LOXL1: variants seen among roughly 807,000 people sequenced by gnomAD.
The protein encoded by LOXL1 is lysyl oxidase like 1, also known as lysyl oxidase homolog 1.
Under a neutral mutation model 62.2 loss-of-function variants are expected in LOXL1, and 31 were observed. That is an observed-to-expected ratio of 0.50 (90% CI 0.37 to 0.67). The LOEUF (loss-of-function observed/expected upper bound fraction) is 0.67, where lower values mean the gene tolerates loss of function less well. Among genes scored for constraint, LOXL1 ranks in the 30% least tolerant of loss-of-function variants. LOXL1 has a pLI of 0.00. For missense variants in LOXL1, 775 were observed against 843.4 expected, an observed-to-expected ratio of 0.92 and a Z score of 1.00; for synonymous variants, 403 against 384.4, an observed-to-expected ratio of 1.05 and a Z score of -0.56.
Position 73,927,578 on chromosome 15 carries a change from G to GC in LOXL1, c.801dup (p.Asp268ArgfsTer25). 3 of 1,500,494 alleles carry GC rather than the reference G, an allele frequency of 2.0e-6. No individual in the cohort carries two copies. The highest frequency in any genetic ancestry group is 4.3e-5 in the Admixed American group (2 of 46,780). 92.9% of individuals were successfully genotyped at this position (1,500,494 alleles called of 1,614,324 possible). Reference sequence around the variant, plus strand: ...GGCCCTACGTGCCGCCGCCGCCGCCGCCCCCCGACGGCCTGGACCGCCGCT... The same window carrying GC: ...GGCCCTACGTGCCGCCGCCGCCGCCGCCCCCCCGACGGCCTGGACCGCCGCT... On this transcript the variant is annotated frameshift_variant, in exon 1 of 7. Coordinates refer to ENST00000261921, the MANE Select transcript of LOXL1 (RefSeq NM_005576.4). LOFTEE classifies it high-confidence loss of function.
At position 73,946,452 on chromosome 15, in the gene LOXL1, T is replaced by C; in HGVS notation, c.1247T>C (p.Val416Ala). 6.2e-7 allele frequency: 1 copy of C among 1,613,014 alleles called. No homozygotes were observed. Reference sequence around the variant, plus strand: ...GCCCCTGAGGCCACCGACTACGATGTGCGGGTGCTACTGCGCTTCCCCCAG... The same window carrying C: ...GCCCCTGAGGCCACCGACTACGATGCGCGGGTGCTACTGCGCTTCCCCCAG... ...AYAPEATDYD[V>A]RVLLRFPQRV... is the part of the protein sequence containing the mutation. The change falls in exon 3 of 7, where the codon GTG (valine) becomes GCG (alanine). Residue 416 changes from valine to alanine, a missense_variant. Coordinates refer to ENST00000261921, the MANE Select transcript of LOXL1 (RefSeq NM_005576.4).
Position 73,951,953 on chromosome 15 carries a change from C to T in LOXL1, c.*116C>T. ...CCACAGGCACGGAGGGGCATCCCTC[C>T]CTGCCGGCCTCAGGGAGCGAACGTG... On this transcript the variant is annotated 3_prime_UTR_variant, in exon 7 of 7. Transcript: ENST00000261921. 1 of 923,020 alleles carries T rather than the reference C, an allele frequency of 1.1e-6. No homozygotes were observed. Among genetic ancestry groups the T allele is most frequent in the Non-Finnish European group, 1.5e-6 (1 of 681,098 alleles). The allele number at this position is 923,020 out of a possible 1,614,324, so 57.2% of individuals were successfully genotyped here.
intron 1 of LOXL1, 62 bp downstream of exon 1, chr15:73,927,947 G>A (rs117492789): frequency 3.2e-6 from 4 of 1,259,614 alleles, no homozygotes; most frequent in Non-Finnish European, 1.0e-6. Context: ...AACTGCTCCG[G>A]GCCCCCCGGG....
At position 73,949,445 on chromosome 15, in the gene LOXL1, C is replaced by T; in HGVS notation, c.1603-14C>T. 6.6e-7 allele frequency: 1 copy of T among 1,525,130 alleles called. No homozygotes were observed. Among genetic ancestry groups the T allele is most frequent in the Non-Finnish European group, 9.1e-7 (1 of 1,098,830 alleles). 94.5% of individuals were successfully genotyped at this position (1,525,130 alleles called of 1,614,324 possible). ...GACTAGACTCCCTTTCTCCCTGTTT[C>T]TCTTCTTCCTCAGGTGCACGTGAAC... On this transcript the variant is annotated splice_polypyrimidine_tract_variant and intron_variant, in intron 5 of 6. Transcript: ENST00000261921.
At chr15:73,942,814 T>C (rs755904431) in intron 1 of LOXL1, 40 bp from the exon 2 acceptor site, 2 of 1,266,098 alleles carry the variant, frequency 1.6e-6, no homozygotes, top group Non-Finnish European at 2.3e-6. Context: ...AATGTCATGC[T>C]CTTCCTCCCT....
In LOXL1 at chr15:73,946,474, C is replaced by A. The variant is rs966349644; in HGVS notation, c.1269C>A (p.Pro423=). The A allele has an allele frequency of 1.9e-6, 3 of 1,612,854 alleles. No homozygotes were observed. The African/African-American group carries it at 4.0e-5, about 22-fold the overall frequency. Residue 423 remains proline, a synonymous_variant, in exon 3 of 7, where the codon CCC becomes CCA. Transcript: ENST00000261921. ...DYDVRVLLRF[P]QRVKNQGTAD... The stretch of plus-strand genomic sequence containing the variant: ...ATGTGCGGGTGCTACTGCGCTTCCC[C>A]CAGCGCGTGAAGAACCAGGGCACAG...
chr15:73,938,302 T>G (rs1480751029), intron 1 of LOXL1, among the ~76,000 whole-genome samples: 2 of 150,744 alleles, frequency 1.3e-5, no homozygotes, highest in African/African-American at 4.9e-5. Flanking sequence ...TATCTATCTA[T>G]CTATCTATCT....
At chr15:73,932,174 T>G (rs984498144) in intron 1 of LOXL1, among the ~76,000 whole-genome samples, 1 of 152,212 alleles carries the variant, frequency 6.6e-6, no homozygotes, top group African/African-American at 2.4e-5. Context: ...TTTGCCTCTG[T>G]GGTCCTCACC....
At chr15:73,943,107 T>TCATCAGTGAGCCTTGC in intron 2 of LOXL1, 145 bp downstream of exon 2, 1 of 657,186 alleles carries the variant, frequency 1.5e-6, no homozygotes, top group Non-Finnish European at 2.7e-6. Context: ...CCTGACCGTT[T>TCATCAGTGAGCCTTGC]CATCAGTGAG....
At chr15:73,931,304 A>G (rs2068634144) in intron 1 of LOXL1, among the ~76,000 whole-genome samples, 1 of 151,878 alleles carries the variant, frequency 6.6e-6, no homozygotes, top group African/African-American at 2.4e-5. Context: ...AGGCCAGGAG[A>G]GAACCGCAGC....
rs1048411116 is a variant in LOXL1 at position 73,949,199 on chromosome 15, C to T, written c.1603-260C>T. On this transcript the variant is annotated intron_variant, in intron 5 of 6. Transcript: ENST00000261921. ...CCAACCTCTCTGACCCCAAATGCCC[C>T]ATGCGGGGCCCACCTGGCATAGGCT... Among the ~76,000 whole-genome samples the T allele has an allele frequency of 1.4e-4, 21 of 152,308 alleles. 1 individual carries two copies. The highest frequency in any genetic ancestry group is 4.3e-4 in the African/African-American group (18 of 41,572).
rs1205404682 is a variant in LOXL1, at chr15:73,945,078, G to A, written c.1212-1339G>A. Among the ~76,000 whole-genome samples, 1 of 152,178 alleles carries A rather than the reference G, an allele frequency of 6.6e-6. No homozygotes were observed. Among genetic ancestry groups the A allele is most frequent in the Admixed American group, 6.5e-5 (1 of 15,288 alleles). On this transcript the variant is annotated intron_variant, in intron 2 of 6. Coordinates refer to ENST00000261921, the MANE Select transcript of LOXL1 (RefSeq NM_005576.4). This position sits in a 1 kb window ranked among gnomAD's most constrained non-coding sequence, Gnocchi z 4.3. The stretch of plus-strand genomic sequence containing the variant: ...CTTCCTGTTCCTACCACACATGTGT[G>A]TGCATGTGTGTGTATGTGTGCATGT...
chr15:73,935,821 G>A (rs898887795), intron 1 of LOXL1, among the ~76,000 whole-genome samples: 47 of 152,186 alleles, frequency 3.1e-4, no homozygotes, highest in Admixed American at 1.0e-3. Context: ...CCCCATTGGT[G>A]GGGTGGACAG....
intron 1 of LOXL1, among the ~76,000 whole-genome samples, chr15:73,938,923 T>C (rs1169796961): frequency 1.3e-5 from 2 of 152,148 alleles, no homozygotes; most frequent in East Asian, 1.9e-4. Context: ...GAGCTGGATA[T>C]GTACCTTCAC....
At chr15:73,941,665 G>A (rs1329519982) in intron 1 of LOXL1, among the ~76,000 whole-genome samples, 1 of 152,164 alleles carries the variant, frequency 6.6e-6, no homozygotes, top group Non-Finnish European at 1.5e-5. Flanking sequence ...CCAGAGAGGA[G>A]ACGGAATTAG....
chr15:73,949,823 A>C (rs1460647321), intron 6 of LOXL1, among the ~76,000 whole-genome samples: 1 of 152,084 alleles, frequency 6.6e-6, no homozygotes, highest in East Asian at 1.9e-4. Context: ...CCAAGTGAAA[A>C]CCAGCAGAAG....
chr15:73,949,510 G>A lies in LOXL1; in HGVS notation c.1654G>A (p.Val552Met), dbSNP rs1193797809. The A allele has an allele frequency of 4.3e-6, 7 of 1,614,002 alleles. No individual in the cohort carries two copies. In the South Asian group the frequency reaches 6.6e-5, roughly 15 times the overall value. ...IVLESDFTNN[V>M]VRCNIHYTGR... ...TTTGGAGTCTGACTTCACCAACAAC[G>A]TGGTGAGATGCAACATTCACTACAC... The change falls in exon 6 of 7, where the codon GTG (valine) becomes ATG (methionine). Residue 552 changes from valine to methionine, a missense_variant. Physicochemically the swap from Val to Met is conservative, Grantham distance 21. Coordinates refer to ENST00000261921, the MANE Select transcript of LOXL1 (RefSeq NM_005576.4).
chr15:73,933,356 G>A (rs946179147), intron 1 of LOXL1, among the ~76,000 whole-genome samples: 2 of 152,112 alleles, frequency 1.3e-5, no homozygotes, highest in African/African-American at 2.4e-5. Context: ...TCTTAGGGAC[G>A]GGTGTTTTAT....
chr15:73,949,438 C>T, intron 5 of LOXL1, 21 bp from the exon 6 acceptor site: 1 of 1,456,680 alleles, frequency 6.9e-7, no homozygotes, highest in Non-Finnish European at 9.7e-7. Flanking sequence ...TCCCTTTCTC[C>T]CTGTTTCTCT....
Sources: allele counts gnomAD v4.1 joint callset (sites outside exome capture counted in the v4.1 genomes callset), GRCh38; gene constraint gnomAD v4.1.1; non-coding constraint Gnocchi (gnomAD v3.1); transcripts MANE v1.5; gene names NCBI Gene and HGNC (gene_info 2026-07-23, HGNC 2026-07-21).